Variants in ZSWIM5 observed in about 807,000 individuals in gnomAD.
ZSWIM5 encodes zinc finger SWIM-type containing 5.
In ZSWIM5, 55 loss-of-function variants were observed where a neutral mutation model predicts 119.6. The observed-to-expected ratio is 0.46, with a 90% CI of 0.37 to 0.58. ZSWIM5 has a LOEUF of 0.58. Among genes scored for constraint, ZSWIM5 ranks in the 20% least tolerant of loss-of-function variants. ZSWIM5 has a pLI of 0.00. For missense variants in ZSWIM5, 1,193 were observed against 1,512.8 expected (o/e 0.79, Z 3.51); for synonymous variants, 537 against 606.9 (o/e 0.88, Z 1.69).
intron 6 of ZSWIM5, among the ~76,000 whole-genome samples, chr1:45,042,466 G>A (rs1645022690): frequency 6.6e-6 from 1 of 152,164 alleles, no homozygotes; most frequent in Non-Finnish European, 1.5e-5. Context: ...TGGTGACACG[G>A]TGAGTCTGGC....
chr1:45,060,972 T>G (rs2149000804), intron 2 of ZSWIM5, among the ~76,000 whole-genome samples: 3 of 152,344 alleles, frequency 2.0e-5, no homozygotes, highest in Middle Eastern at 6.8e-3. Context: ...AAATTCTGTT[T>G]TTTTAAAGTT....
chr1:45,051,238 C>G lies in ZSWIM5; in HGVS notation c.1268G>C (p.Cys423Ser). ...LWDELGALWV[C>S]IILNPHCKLE... ...TTTGCAGTGTGGATTTAAAATTATGCACACCCATAAAGCCCCTGGAAAATA... is the reference window on the plus strand; with the variant it reads ...TTTGCAGTGTGGATTTAAAATTATGGACACCCATAAAGCCCCTGGAAAATA... The change falls in exon 5 of 14, where the codon TGC becomes TCC. Residue 423 changes from cysteine to serine, a missense_variant. Coordinates refer to ENST00000359600, the MANE Select transcript of ZSWIM5 (RefSeq NM_020883.2). 6.2e-7 allele frequency: 1 copy of G among 1,614,024 alleles called. No individual in the cohort carries two copies. Among genetic ancestry groups the G allele is most frequent in the Middle Eastern group, 1.7e-4 (1 of 6,060 alleles).
intron 1 of ZSWIM5, among the ~76,000 whole-genome samples, chr1:45,137,515 T>A (rs185046868): frequency 6.6e-6 from 1 of 152,114 alleles, no homozygotes; most frequent in African/African-American, 2.4e-5. Context: ...AATTGTAAAT[T>A]TAAATATGGT....
At chr1:45,110,156 C>T (rs928343481) in intron 1 of ZSWIM5, among the ~76,000 whole-genome samples, 10 of 152,184 alleles carry the variant, frequency 6.6e-5, no homozygotes, top group African/African-American at 2.4e-4. Flanking sequence ...TGTGAGCCAC[C>T]ACACCTGCCC....
At chr1:45,123,554 T>G (rs1412160586) in intron 1 of ZSWIM5, among the ~76,000 whole-genome samples, 1 of 151,962 alleles carries the variant, frequency 6.6e-6, no homozygotes, top group Non-Finnish European at 1.5e-5. Context: ...TTACCTAATC[T>G]GAAAAACAGA....
intron 1 of ZSWIM5, among the ~76,000 whole-genome samples, chr1:45,193,921 C>T (rs1646106639): frequency 7.0e-6 from 1 of 143,070 alleles, no homozygotes; most frequent in South Asian, 2.2e-4. Flanking sequence ...CGTATGTGTA[C>T]ATATGTGTGC....
chr1:45,033,356 G>T (rs909742229), intron 11 of ZSWIM5, among the ~76,000 whole-genome samples: 5 of 151,818 alleles, frequency 3.3e-5, no homozygotes, highest in Admixed American at 2.0e-4. Context: ...ATGTATTTTT[G>T]GGGGGACAAT....
At chr1:45,067,226 C>T (rs1645188945) in intron 2 of ZSWIM5, among the ~76,000 whole-genome samples, 1 of 151,762 alleles carries the variant, frequency 6.6e-6, no homozygotes, top group Non-Finnish European at 1.5e-5. Context: ...TTGCTTGAGA[C>T]CAAGAGTTCA....
chr1:45,036,450 G>T, intron 8 of ZSWIM5, 151 bp from the exon 9 acceptor site: 1 of 1,121,070 alleles, frequency 8.9e-7, no homozygotes. Flanking sequence ...CGCCTCCCCG[G>T]TTCAAGCGAT....
At chr1:45,190,848 A>T (rs770840475) in intron 1 of ZSWIM5, among the ~76,000 whole-genome samples, 37 of 151,736 alleles carry the variant, frequency 2.4e-4, no homozygotes, top group Non-Finnish European at 4.1e-4. Flanking sequence ...GGCCTGATAA[A>T]AGCTCAGCCA....
At chr1:45,147,486 A>T (rs1157914504) in intron 1 of ZSWIM5, among the ~76,000 whole-genome samples, 1 of 151,968 alleles carries the variant, frequency 6.6e-6, no homozygotes, top group Admixed American at 6.6e-5. Flanking sequence ...CCATATAGAA[A>T]ACGTTTTCTG....
chr1:45,140,325 CA>C (rs1271777035), intron 1 of ZSWIM5, among the ~76,000 whole-genome samples: 6 of 152,318 alleles, frequency 3.9e-5, no homozygotes, highest in African/African-American at 1.4e-4. Context: ...GTAGTTCCAA[CA>C]GATAGTGTGA....
intron 1 of ZSWIM5, among the ~76,000 whole-genome samples, chr1:45,142,927 T>C (rs935947624): frequency 1.3e-5 from 2 of 151,270 alleles, no homozygotes; most frequent in Non-Finnish European, 1.5e-5. Flanking sequence ...TCCCAGCACT[T>C]TGGGAGGCCG....
chr1:45,050,738 A>C (rs1645084097), intron 5 of ZSWIM5, among the ~76,000 whole-genome samples: 2 of 152,188 alleles, frequency 1.3e-5, no homozygotes, highest in African/African-American at 2.4e-5. Flanking sequence ...GTTAGGTCTC[A>C]GCTAAAACCA....
At chr1:45,101,110 C>T (rs917670039) in intron 1 of ZSWIM5, among the ~76,000 whole-genome samples, 1 of 151,754 alleles carries the variant, frequency 6.6e-6, no homozygotes, top group African/African-American at 2.4e-5. Context: ...AACAGGCAAC[C>T]TACAGAATGG....
At chr1:45,055,653 G>A (rs1645117383) in intron 4 of ZSWIM5, among the ~76,000 whole-genome samples, 1 of 152,180 alleles carries the variant, frequency 6.6e-6, no homozygotes, top group Non-Finnish European at 1.5e-5. Context: ...TTAAAGCCAT[G>A]GGACTGAATA....
intron 4 of ZSWIM5, among the ~76,000 whole-genome samples, chr1:45,051,526 T>C (rs564905080): frequency 6.6e-6 from 1 of 152,232 alleles, no homozygotes; most frequent in Non-Finnish European, 1.5e-5. Flanking sequence ...GTGTAATAAA[T>C]ATTTATTAAG....
intron 1 of ZSWIM5, among the ~76,000 whole-genome samples, chr1:45,136,164 A>G (rs953575349): frequency 1.3e-5 from 2 of 152,094 alleles, no homozygotes; most frequent in Non-Finnish European, 2.9e-5. Context: ...CCCAGCCTCA[A>G]TGTGTGAAGT....
intron 1 of ZSWIM5, among the ~76,000 whole-genome samples, chr1:45,154,864 AAG>A (rs145417635): frequency 0.063 from 9,543 of 152,218 alleles, 357 homozygotes; most frequent in East Asian, 0.11. Context: ...CCTGAGTGAC[AAG>A]AGTGAAACTC....
Sources: gnomAD v4.1 joint callset for allele counts (sites outside exome capture counted in the v4.1 genomes callset) on GRCh38, gnomAD v4.1.1 for gene constraint, MANE v1.5 for transcripts, NCBI Gene and HGNC (gene_info 2026-07-23, HGNC 2026-07-21) for gene names.